Variants in C12orf42 observed in about 807,000 individuals in gnomAD.
C12orf42 encodes chromosome 12 open reading frame 42, also known as uncharacterized protein C12orf42.
C12orf42 carries 25 observed loss-of-function variants against 21.6 expected under a neutral mutation model. That is an observed-to-expected ratio of 1.16 (90% CI 0.84 to 1.62). The LOEUF is 1.62. Among genes scored for constraint, C12orf42 ranks in the 40% most tolerant of loss-of-function variants. The probability of loss-of-function intolerance (pLI) is 0.00; values close to 1 mark genes in which losing one functional copy is unlikely to be tolerated. For synonymous variants in C12orf42, 174 were observed against 175.0 expected (o/e 0.99, Z 0.05); for missense variants, 483 against 459.3 (o/e 1.05, Z -0.47).
At chr12:103,303,523 A>C (rs1032763969) in intron 5 of C12orf42, among the ~76,000 whole-genome samples, 5 of 152,202 alleles carry the variant, frequency 3.3e-5, no homozygotes, top group Admixed American at 1.3e-4. Context: ...AATAGCATTT[A>C]GATGTCTAGA....
chr12:103,067,281 T>C, the C12orf42 span, among the ~76,000 whole-genome samples: 1 of 152,212 alleles, frequency 6.6e-6, no homozygotes, highest in African/African-American at 2.4e-5. Context: ...TTATCCACTG[T>C]CATGGTATTC....
At chr12:103,489,814 T>C (rs1038791282) in intron 1 of C12orf42, among the ~76,000 whole-genome samples, 4 of 152,296 alleles carry the variant, frequency 2.6e-5, no homozygotes, top group East Asian at 1.9e-4. Context: ...AAAAGTACAG[T>C]ATTTGGGCAG....
the C12orf42 span, among the ~76,000 whole-genome samples, chr12:103,180,871 G>A: frequency 2.0e-5 from 3 of 151,660 alleles, no homozygotes; most frequent in East Asian, 2.0e-4. Flanking sequence ...CAGGTGATCC[G>A]CCTACCTCAG....
At chr12:103,157,979 C>T in the C12orf42 span, among the ~76,000 whole-genome samples, 1 of 152,126 alleles carries the variant, frequency 6.6e-6, no homozygotes, top group Non-Finnish European at 1.5e-5. Context: ...ATTCATTACT[C>T]TCTCACAAAG....
chr12:103,100,218 T>G, the C12orf42 span, among the ~76,000 whole-genome samples: 1 of 152,228 alleles, frequency 6.6e-6, no homozygotes. Flanking sequence ...GCCCAAACTT[T>G]GGCGGGCAAT....
chr12:103,276,543 G>A (rs1040141231), intron 5 of C12orf42, among the ~76,000 whole-genome samples: 2 of 152,180 alleles, frequency 1.3e-5, no homozygotes, highest in Non-Finnish European at 2.9e-5. Flanking sequence ...CTGCCATTGT[G>A]CTTTTTCCTC....
the C12orf42 span, among the ~76,000 whole-genome samples, chr12:103,112,225 C>A: frequency 6.6e-6 from 1 of 152,120 alleles, no homozygotes; most frequent in Non-Finnish European, 1.5e-5. Flanking sequence ...AATCTTGGGA[C>A]TTGAAGGAAA....
At chr12:103,462,230 C>G (rs1328823882) in intron 2 of C12orf42, among the ~76,000 whole-genome samples, 1 of 150,308 alleles carries the variant, frequency 6.7e-6, no homozygotes, top group African/African-American at 2.4e-5. Context: ...GTCGCAACCT[C>G]CTGAGTAGCT....
At chr12:103,399,509 AAAAAG>A (rs79326170) in intron 3 of C12orf42, among the ~76,000 whole-genome samples, 18 of 108,340 alleles carry the variant, frequency 1.7e-4, no homozygotes, top group Admixed American at 2.3e-4. Context: ...AAAAAAAAAA[AAAAAG>A]AAGAAGAAGA....
chr12:103,091,426 G>C, the C12orf42 span, among the ~76,000 whole-genome samples: 2 of 151,572 alleles, frequency 1.3e-5, no homozygotes, highest in African/African-American at 2.4e-5. Context: ...TTTTCTTGGA[G>C]TCACAGAGCA....
chr12:103,256,068 AAAAAAAAAAAAAAAAAAAT>A (rs2034558094), intron 10 of C12orf42, among the ~76,000 whole-genome samples: 2 of 45,518 alleles, frequency 4.4e-5, no homozygotes, highest in African/African-American at 8.3e-5. Flanking sequence ...AAAAAAAAAA[AAAAAAAAAAAAAAAAAAAT>A]ATATATATAT....
At chr12:103,178,361 GA>G in the C12orf42 span, 1 of 152,194 alleles carries the variant, frequency 6.6e-6, no homozygotes, top group East Asian at 1.9e-4. Flanking sequence ...ACTGGGATTA[GA>G]AAATAAGCTG....
At chr12:103,475,178 G>A (rs754277932) in intron 2 of C12orf42, among the ~76,000 whole-genome samples, 8 of 152,116 alleles carry the variant, frequency 5.3e-5, no homozygotes, top group Non-Finnish European at 8.8e-5. Flanking sequence ...CATGACCCAG[G>A]TCACCTCATC....
At chr12:103,062,710 C>A in the C12orf42 span, among the ~76,000 whole-genome samples, 11 of 152,202 alleles carry the variant, frequency 7.2e-5, no homozygotes, top group Middle Eastern at 3.4e-3. Context: ...TGTTTTGAGG[C>A]TAGATGTATT....
chr12:103,301,915 T>C (rs2037675226), downstream of C12orf42: 3 of 640,364 alleles, frequency 4.7e-6, no homozygotes, highest in East Asian at 5.8e-5. Flanking sequence ...AAAAATACTA[T>C]TAGAGATGCT....
intron 4 of C12orf42, among the ~76,000 whole-genome samples, chr12:103,296,084 A>G (rs1192252421): frequency 7.1e-6 from 1 of 141,288 alleles, no homozygotes; most frequent in South Asian, 2.2e-4. Context: ...TCATTGTTCA[A>G]TTCCCACCTA....
chr12:103,275,837 C>T (rs962976549), intron 5 of C12orf42, among the ~76,000 whole-genome samples: 13 of 151,044 alleles, frequency 8.6e-5, no homozygotes, highest in Non-Finnish European at 1.2e-4. Flanking sequence ...CACCTGTAAT[C>T]CCAGTGACTT....
chr12:103,342,407 G>A (rs778002486), intron 4 of C12orf42, among the ~76,000 whole-genome samples: 2 of 152,044 alleles, frequency 1.3e-5, no homozygotes, highest in Non-Finnish European at 2.9e-5. Context: ...TAGAGAGGAG[G>A]GATGGAGAAA....
At chr12:103,070,830 C>A in the C12orf42 span, among the ~76,000 whole-genome samples, 1 of 152,072 alleles carries the variant, frequency 6.6e-6, no homozygotes, top group Non-Finnish European at 1.5e-5. Flanking sequence ...TCAAGGATTT[C>A]ATGAAAGTGA....
Sources: allele counts gnomAD v4.1 joint callset (sites outside exome capture counted in the v4.1 genomes callset), GRCh38; gene constraint gnomAD v4.1.1; transcripts MANE v1.5; gene names NCBI Gene and HGNC (gene_info 2026-07-23, HGNC 2026-07-21).